Variants in ZNF652 observed in about 807,000 individuals in gnomAD.
ZNF652 encodes the protein zinc finger protein 652.
Under a neutral mutation model 45.2 loss-of-function variants are expected in ZNF652, and 16 were observed. The observed-to-expected ratio is 0.35, with a 90% confidence interval of 0.24 to 0.54. ZNF652 has a LOEUF of 0.54. ZNF652 is among the 20% of genes least tolerant of loss of function. The pLI, the probability that ZNF652 is intolerant of heterozygous loss-of-function variation, is 0.91. For missense variants in ZNF652, 614 were observed against 765.6 expected, an observed-to-expected ratio of 0.80 and a Z score of 2.34; for synonymous variants, 250 against 260.6, an observed-to-expected ratio of 0.96 and a Z score of 0.39.
chr17:49,352,254 T>C (rs74725971), intron 1 of ZNF652, among the ~76,000 whole-genome samples: 5 of 152,202 alleles, frequency 3.3e-5, no homozygotes, highest in East Asian at 3.9e-4. Context: ...TTTTTTTTTT[T>C]CACAAGCAAA....
intron 5 of ZNF652, among the ~76,000 whole-genome samples, chr17:49,302,618 T>A (rs577832410): frequency 1.4e-4 from 21 of 152,086 alleles, no homozygotes; most frequent in African/African-American, 5.1e-4. Flanking sequence ...TCAAAATGTA[T>A]AATCTATTAA....
chr17:49,351,647 A>G (rs552572343), intron 1 of ZNF652, among the ~76,000 whole-genome samples: 3 of 152,092 alleles, frequency 2.0e-5, no homozygotes, highest in South Asian at 2.1e-4. Flanking sequence ...GGAAAAGGCC[A>G]TATTTTTTTT....
chr17:49,351,076 T>C (rs1370027673), intron 1 of ZNF652, among the ~76,000 whole-genome samples: 1 of 148,674 alleles, frequency 6.7e-6, no homozygotes, highest in African/African-American at 2.5e-5. Flanking sequence ...TAAATATTTA[T>C]ATATATTTTA....
rs550602374 is a variant in ZNF652 at position 49,338,711 on chromosome 17, T to C, written c.-258-20728A>G. On this transcript the variant is annotated intron_variant, in intron 1 of 5. Coordinates refer to ENST00000430262, the MANE Select transcript of ZNF652 (RefSeq NM_001145365.3). ...AGGAAAAGTCAACACTATAGCTACATATTTAGGAGATATCAGCAAACAGAA... is the reference window on the plus strand; with the variant it reads ...AGGAAAAGTCAACACTATAGCTACACATTTAGGAGATATCAGCAAACAGAA... Among the ~76,000 whole-genome samples, 3 of 152,164 alleles carry C rather than the reference T, an allele frequency of 2.0e-5. No individual in the cohort carries two copies. In the South Asian group the frequency reaches 6.2e-4, roughly 32 times the overall value.
chr17:49,356,785 C>T (rs2070341971), intron 1 of ZNF652, among the ~76,000 whole-genome samples: 1 of 152,132 alleles, frequency 6.6e-6, no homozygotes, highest in African/African-American at 2.4e-5. Context: ...TACTGTATTA[C>T]TGATGTGTCT....
chr17:49,327,780 T>TATATATATATATATA (rs1332038594), intron 1 of ZNF652, among the ~76,000 whole-genome samples: 1 of 2,160 alleles, frequency 4.6e-4, no homozygotes, highest in Non-Finnish European at 9.8e-4. Context: ...TATATATATA[T>TATATATATATATATA]TTTTTTTTTT....
At chr17:49,318,789 TG>T (rs1342323451) in intron 1 of ZNF652, among the ~76,000 whole-genome samples, 2 of 152,176 alleles carry the variant, frequency 1.3e-5, no homozygotes. Flanking sequence ...AAGGGGGTAG[TG>T]GGGCAGGCAT....
intron 5 of ZNF652, among the ~76,000 whole-genome samples, chr17:49,302,748 G>C (rs1276096781): frequency 6.6e-6 from 1 of 150,378 alleles, no homozygotes; most frequent in Non-Finnish European, 1.5e-5. Flanking sequence ...GATCATTTGA[G>C]GTCAGGAGTT....
At chr17:49,333,788 A>T (rs891769730) in intron 1 of ZNF652, among the ~76,000 whole-genome samples, 1 of 151,952 alleles carries the variant, frequency 6.6e-6, no homozygotes, top group Admixed American at 6.6e-5. Context: ...GATGCTTAAC[A>T]TTATTCAGCA....
chr17:49,361,137 T>A (rs2070388027), intron 1 of ZNF652: 1 of 152,232 alleles, frequency 6.6e-6, no homozygotes, highest in Non-Finnish European at 1.5e-5. Flanking sequence ...TGAGTGTGTC[T>A]GTGTTGTGGG....
chr17:49,323,659 C>A (rs1321926413), intron 1 of ZNF652, among the ~76,000 whole-genome samples: 1 of 152,196 alleles, frequency 6.6e-6, no homozygotes, highest in Non-Finnish European at 1.5e-5. Flanking sequence ...CTCATTGATC[C>A]ATGGGCCACA....
At chr17:49,313,061 T>C (rs2069739548) in intron 2 of ZNF652, among the ~76,000 whole-genome samples, 1 of 152,154 alleles carries the variant, frequency 6.6e-6, no homozygotes, top group Admixed American at 6.6e-5. Context: ...ATGAAAACAA[T>C]GGCAAAAACT....
chr17:49,339,999 C>T (rs1157905301), intron 1 of ZNF652, among the ~76,000 whole-genome samples: 2 of 152,022 alleles, frequency 1.3e-5, no homozygotes, highest in Non-Finnish European at 2.9e-5. Flanking sequence ...CTCAAAGTGC[C>T]GGGATTACAG....
In ZNF652 at chr17:49,298,190, G is replaced by A; in HGVS notation, c.*223C>T. 2 of 559,286 alleles carry A rather than the reference G, an allele frequency of 3.6e-6. No individual in the cohort carries two copies. Among genetic ancestry groups the A allele is most frequent in the South Asian group, 2.6e-5 (1 of 38,228 alleles). 34.6% of individuals were successfully genotyped at this position (559,286 alleles called of 1,614,324 possible). A position where few individuals can be genotyped will look rare whatever the true frequency, so the allele number is the denominator to read the frequency against. ...AGTCATCAGAAAATGCAAGCAAATT[G>A]GGCTTTAGTTCAGTGGTTCCCCTGG... On this transcript the variant is annotated 3_prime_UTR_variant, in exon 6 of 6. Transcript: ENST00000430262.
At chr17:49,326,255 A>AAG (rs944436551) in intron 1 of ZNF652, among the ~76,000 whole-genome samples, 2 of 151,530 alleles carry the variant, frequency 1.3e-5, no homozygotes, top group Non-Finnish European at 2.9e-5. Flanking sequence ...AAAAAAAAAA[A>AAG]AAAAAAAGAA....
chr17:49,288,276 G>GT (rs1306721766), downstream of ZNF652: 2 of 152,036 alleles, frequency 1.3e-5, no homozygotes, highest in African/African-American at 4.8e-5. Flanking sequence ...TACCTACCCT[G>GT]TATCTATGAA....
intron 1 of ZNF652, among the ~76,000 whole-genome samples, chr17:49,355,895 A>G (rs906992167): frequency 4.6e-5 from 7 of 152,004 alleles, no homozygotes; most frequent in African/African-American, 1.7e-4. Flanking sequence ...CGAGACACCA[A>G]TTAAAAAAAA....
chr17:49,324,411 A>T, intron 1 of ZNF652, among the ~76,000 whole-genome samples: 1 of 150,526 alleles, frequency 6.6e-6, no homozygotes, highest in East Asian at 2.0e-4. Flanking sequence ...TTTTTTTTTG[A>T]GACGGAGTCT....
chr17:49,337,757 T>G (rs2070101390), intron 1 of ZNF652, among the ~76,000 whole-genome samples: 1 of 152,190 alleles, frequency 6.6e-6, no homozygotes, highest in Non-Finnish European at 1.5e-5. Context: ...AATGTGAAGT[T>G]TATAGGTCTC....
Sources: gnomAD v4.1 joint callset for allele counts (sites outside exome capture counted in the v4.1 genomes callset) on GRCh38, gnomAD v4.1.1 for gene constraint, MANE v1.5 for transcripts, NCBI Gene and HGNC (gene_info 2026-07-23, HGNC 2026-07-21) for gene names.